KIAA1328: variants seen among roughly 807,000 people sequenced by gnomAD.
KIAA1328 encodes protein hinderin.
A neutral mutation model predicts 68.1 loss-of-function variants in KIAA1328; 52 were observed. The ratio of observed to expected loss-of-function variants is 0.76; its 90% CI spans 0.61 to 0.96. The LOEUF is 0.96. Ranked by LOEUF, KIAA1328 falls within the 40% of genes least tolerant of loss-of-function variation. The probability of loss-of-function intolerance (pLI) is 0.00; values close to 1 mark genes in which losing one functional copy is unlikely to be tolerated. For synonymous variants in KIAA1328, 232 were observed against 239.4 expected (o/e 0.97, Z 0.28); for missense variants, 641 against 677.6 (o/e 0.95, Z 0.60).
At position 36,885,549 on chromosome 18, in the gene KIAA1328, TA is replaced by T. The variant is rs1556808980; in HGVS notation, c.333-7del. Reference sequence around the variant, plus strand: ...TAGATGTTAAAGGTTTTTTTTTTTTTATTTCAGAGTAAGTGAGGAAAAGGAA... The same window carrying T: ...TAGATGTTAAAGGTTTTTTTTTTTTTTTTCAGAGTAAGTGAGGAAAAGGAA... On this transcript the variant is annotated splice_region_variant and splice_polypyrimidine_tract_variant and intron_variant, in intron 4 of 9. Transcript: ENST00000280020. The T allele has an allele frequency of 4.1e-6, 6 of 1,448,166 alleles. No homozygotes were observed. Among genetic ancestry groups the T allele is most frequent in the Admixed American group, 2.6e-5 (1 of 37,862 alleles). The allele number at this position is 1,448,166 out of a possible 1,614,324, so 89.7% of individuals were successfully genotyped here.
At chr18:37,120,602 G>T (rs890321108) in intron 7 of KIAA1328, among the ~76,000 whole-genome samples, 1 of 152,122 alleles carries the variant, frequency 6.6e-6, no homozygotes, top group African/African-American at 2.4e-5. Context: ...AGACAAAGAA[G>T]GTCTGGTAGT....
At chr18:36,971,804 A>G (rs12604238) in intron 6 of KIAA1328, among the ~76,000 whole-genome samples, 111,311 of 151,954 alleles carry the variant, frequency 0.73, 43,915 homozygotes, top group South Asian at 0.89. Flanking sequence ...GGAGCTAAAT[A>G]TAAGAATATA....
intron 7 of KIAA1328, among the ~76,000 whole-genome samples, chr18:37,073,788 A>C (rs2056614676): frequency 6.6e-6 from 1 of 152,204 alleles, no homozygotes; most frequent in Non-Finnish European, 1.5e-5. Context: ...GCGTATTCAT[A>C]AGTGCTTTTT....
chr18:37,217,946 T>G (rs1339092700), intron 9 of KIAA1328, among the ~76,000 whole-genome samples: 1 of 152,208 alleles, frequency 6.6e-6, no homozygotes, highest in Non-Finnish European at 1.5e-5. Flanking sequence ...TGCCACACTT[T>G]GAGACAAATT....
At chr18:36,956,375 A>G (rs76683892) in intron 5 of KIAA1328, among the ~76,000 whole-genome samples, 3,731 of 152,304 alleles carry the variant, frequency 0.024, 61 homozygotes, top group Non-Finnish European at 0.036. Flanking sequence ...GGTTTTCAAC[A>G]TCTATTTCAT....
intron 7 of KIAA1328, among the ~76,000 whole-genome samples, chr18:37,113,934 G>C (rs1393932008): frequency 1.3e-5 from 2 of 152,010 alleles, no homozygotes; most frequent in Non-Finnish European, 2.9e-5. Context: ...AATGGTAAAG[G>C]GATCAATTCA....
At chr18:36,959,590 C>A (rs1013491263) in intron 6 of KIAA1328, among the ~76,000 whole-genome samples, 155 bp downstream of exon 6, 1 of 152,168 alleles carries the variant, frequency 6.6e-6, no homozygotes, top group African/African-American at 2.4e-5. Flanking sequence ...TTCCCTCCCC[C>A]TTTCCTTTCT....
chr18:37,141,801 C>G (rs911463155), intron 7 of KIAA1328, among the ~76,000 whole-genome samples: 7 of 152,146 alleles, frequency 4.6e-5, no homozygotes, highest in Admixed American at 2.0e-4. Flanking sequence ...AATAGCATCT[C>G]ATTGTGGTTT....
chr18:36,993,110 A>T (rs1311949655), intron 6 of KIAA1328, among the ~76,000 whole-genome samples: 1 of 152,184 alleles, frequency 6.6e-6, no homozygotes, highest in African/African-American at 2.4e-5. Flanking sequence ...TGTCTCAAAA[A>T]AACAAACAAA....
chr18:37,075,571 C>T (rs1170129440), intron 7 of KIAA1328: 2 of 152,164 alleles, frequency 1.3e-5, no homozygotes, highest in African/African-American at 4.8e-5. Context: ...CATCAGTGTG[C>T]TGTTTTCAGG....
chr18:37,223,478 A>C lies in KIAA1328; in HGVS notation c.*1251A>C, dbSNP rs1235969426. ...ATGATCCTGGTTTAGCCAGAGTTCAAAACTCTCCAGTCATTGAAAGCAAGG... is the reference window on the plus strand; with the variant it reads ...ATGATCCTGGTTTAGCCAGAGTTCACAACTCTCCAGTCATTGAAAGCAAGG... On this transcript the variant is annotated 3_prime_UTR_variant, in exon 10 of 10. Transcript: ENST00000280020. 1.0e-6 allele frequency: 1 copy of C among 985,322 alleles called. No homozygotes were observed. The highest frequency in any genetic ancestry group is 1.7e-5 in the African/African-American group (1 of 57,224). The allele number at this position is 985,322 out of a possible 1,614,324, so 61.0% of individuals were successfully genotyped here. A position where few individuals can be genotyped will look rare whatever the true frequency, so the allele number is the denominator to read the frequency against.
rs73947095 is a variant in KIAA1328, at chr18:36,975,813, A to C, written c.576+16378A>C. Among the ~76,000 whole-genome samples, 388 of 152,290 alleles carry C rather than the reference A, an allele frequency of 2.5e-3. 3 individuals carry two copies. The highest frequency in any genetic ancestry group is 8.9e-3 in the African/African-American group (371 of 41,560). On this transcript the variant is annotated intron_variant, in intron 6 of 9. Coordinates refer to ENST00000280020, the MANE Select transcript of KIAA1328 (RefSeq NM_020776.3). Reference sequence around the variant, plus strand: ...CTCTTGTTGGTCTGTCTTTTGTTACAGAGAATCCCAGTTAAGAACTATGAA... The same window carrying C: ...CTCTTGTTGGTCTGTCTTTTGTTACCGAGAATCCCAGTTAAGAACTATGAA...
chr18:37,165,052 G>A (rs2059358355), intron 8 of KIAA1328, among the ~76,000 whole-genome samples: 1 of 152,052 alleles, frequency 6.6e-6, no homozygotes, highest in Non-Finnish European at 1.5e-5. Flanking sequence ...GGCCTCTTCT[G>A]TGCGTGCATC....
chr18:37,162,931 G>A lies in KIAA1328; in HGVS notation c.1414+2550G>A, dbSNP rs927570938. Among the ~76,000 whole-genome samples the A allele has an allele frequency of 2.7e-5, 4 of 150,048 alleles. No homozygotes were observed. The East Asian group carries it at 5.9e-4, about 22-fold the overall frequency. Reference sequence around the variant, plus strand: ...CTATTGTCTCAAGAAACAACCTTACGATAGCAAAGATATGTACAGTATTGT... The same window carrying A: ...CTATTGTCTCAAGAAACAACCTTACAATAGCAAAGATATGTACAGTATTGT... On this transcript the variant is annotated intron_variant, in intron 8 of 9. Coordinates refer to ENST00000280020, the MANE Select transcript of KIAA1328 (RefSeq NM_020776.3).
At chr18:36,883,083 A>G (rs954050190) in intron 4 of KIAA1328, among the ~76,000 whole-genome samples, 1 of 152,218 alleles carries the variant, frequency 6.6e-6, no homozygotes, top group South Asian at 2.1e-4. Flanking sequence ...AAATGTTTCC[A>G]TATCTACTTA....
At chr18:37,014,941 T>A (rs1444807201) in intron 6 of KIAA1328, among the ~76,000 whole-genome samples, 1 of 152,208 alleles carries the variant, frequency 6.6e-6, no homozygotes, top group African/African-American at 2.4e-5. Context: ...TCTAGCTCTG[T>A]CGCCAGGCTG....
chr18:37,008,075 G>A (rs1339919221), intron 6 of KIAA1328, among the ~76,000 whole-genome samples: 2 of 152,136 alleles, frequency 1.3e-5, no homozygotes, highest in Non-Finnish European at 2.9e-5. Context: ...AAGAGTTTGG[G>A]GGCAGTTTCC....
intron 6 of KIAA1328, among the ~76,000 whole-genome samples, chr18:37,002,544 A>C (rs1331247844): frequency 6.6e-6 from 1 of 151,794 alleles, no homozygotes; most frequent in Non-Finnish European, 1.5e-5. Flanking sequence ...CTAGTATACT[A>C]GTATACTAGT....
chr18:37,025,564 G>A (rs546250534), intron 6 of KIAA1328, among the ~76,000 whole-genome samples: 50 of 152,158 alleles, frequency 3.3e-4, no homozygotes, highest in Non-Finnish European at 5.9e-4. Flanking sequence ...TCAGGATTAA[G>A]AAACTCACTC....
Sources: allele counts gnomAD v4.1 joint callset (sites outside exome capture counted in the v4.1 genomes callset), GRCh38; gene constraint gnomAD v4.1.1; transcripts MANE v1.5; gene names NCBI Gene and HGNC (gene_info 2026-07-23, HGNC 2026-07-21).